NCDN: variants seen among roughly 807,000 people sequenced by gnomAD.
NCDN encodes neurochondrin.
Under a neutral mutation model 60.7 loss-of-function variants are expected in NCDN, and 9 were observed. The observed-to-expected ratio is 0.15, with a 90% CI of 0.09 to 0.26. NCDN has a LOEUF of 0.26. NCDN is among the 10% of genes least tolerant of loss of function. The pLI is 1.00. For synonymous variants in NCDN, 409 were observed against 442.5 expected, an observed-to-expected ratio of 0.92 and a Z score of 0.95; for missense variants, 578 against 975.2, an observed-to-expected ratio of 0.59 and a Z score of 5.42.
chr1:35,562,753 C>T lies in NCDN; in HGVS notation c.1385+120C>T. ...TTCCTGATTGGGCCATGAGATATCC[C>T]TTAGGGTTATTTCTGTTTTGGGGGG... On this transcript the variant is annotated intron_variant, in intron 4 of 6. Transcript: ENST00000373243. The surrounding 1 kb of genome is among the most constrained non-coding windows in gnomAD (Gnocchi z 6.8). The T allele has an allele frequency of 7.4e-7, 1 of 1,354,260 alleles. No homozygotes were observed. Among genetic ancestry groups the T allele is most frequent in the African/African-American group, 1.5e-5 (1 of 68,160 alleles). 83.9% of individuals were successfully genotyped at this position (1,354,260 alleles called of 1,614,324 possible).
Position 35,557,864 on chromosome 1 carries a change from C to T in NCDN, c.-327C>T. On this transcript the variant is annotated 5_prime_UTR_variant, in exon 1 of 7. Coordinates refer to ENST00000373243, the MANE Select transcript of NCDN (RefSeq NM_014284.3). ...AGCATCGCGCTGGGAGAAGACTTCG[C>T]CGCTCGGGGCCGCAGCCTGGTGAGC... 3.3e-6 allele frequency: 2 copies of T among 597,092 alleles called. No individual in the cohort carries two copies. The highest frequency in any genetic ancestry group is 1.5e-5 in the South Asian group (1 of 65,126). 37.0% of individuals were successfully genotyped at this position (597,092 alleles called of 1,614,324 possible). A position where few individuals can be genotyped will look rare whatever the true frequency, so the allele number is the denominator to read the frequency against.
chr1:35,559,340 A>G, intron 2 of NCDN, 93 bp downstream of exon 2: 2 of 1,535,994 alleles, frequency 1.3e-6, no homozygotes, highest in Non-Finnish European at 1.8e-6. Context: ...ATATGTACGT[A>G]GTGCTAGCAA....
intron 2 of NCDN, among the ~76,000 whole-genome samples, chr1:35,559,551 A>C (rs1473071168): frequency 6.6e-6 from 1 of 152,056 alleles, no homozygotes; most frequent in East Asian, 1.9e-4. Flanking sequence ...AGTGCAGAGT[A>C]CTTGAGGGCT....
chr1:35,559,345 T>A (rs1157140609), intron 2 of NCDN, 98 bp downstream of exon 2: 28 of 1,519,846 alleles, frequency 1.8e-5, no homozygotes, highest in Middle Eastern at 1.7e-4. Flanking sequence ...TACGTAGTGC[T>A]AGCAACCCTG....
chr1:35,562,088 G>T lies in NCDN; in HGVS notation c.1144-304G>T, dbSNP rs1648724931. On this transcript the variant is annotated intron_variant, in intron 3 of 6. Transcript: ENST00000373243. This position sits in a 1 kb window ranked among gnomAD's most constrained non-coding sequence, Gnocchi z 6.8. ...AGCCTTGAGACACTCCAGAGGTAGG[G>T]AGTTAGGGAGATGTGACTGGAGCCT... Among the ~76,000 whole-genome samples, 1 of 152,124 alleles carries T rather than the reference G, an allele frequency of 6.6e-6. No individual in the cohort carries two copies. The highest frequency in any genetic ancestry group is 6.5e-5 in the Admixed American group (1 of 15,274).
Position 35,561,033 on chromosome 1 carries a change from C to T in NCDN, c.882C>T (p.Ser294=), listed in dbSNP as rs372758379. Residue 294 remains serine, a synonymous_variant, in exon 3 of 7, where the codon TCC becomes TCT. Coordinates refer to ENST00000373243, the MANE Select transcript of NCDN (RefSeq NM_014284.3). This position sits in a 1 kb window ranked among gnomAD's most constrained non-coding sequence, Gnocchi z 4.9. ...CCCGCCTGGCACACGCCTGCGGCTC[C>T]GACTGGATCCCGGCGGGCAGCTCCG... ...LAARLAHACG[S]DWIPAGSSGS... is the part of the protein sequence containing the mutation. The T allele has an allele frequency of 7.8e-5, 125 of 1,612,744 alleles. No individual in the cohort carries two copies. The highest frequency in any genetic ancestry group is 9.7e-5 in the Non-Finnish European group (114 of 1,179,330).
In NCDN at chr1:35,565,893, G is replaced by A. The variant is rs547360504; in HGVS notation, c.*230G>A. On this transcript the variant is annotated 3_prime_UTR_variant, in exon 7 of 7. Coordinates refer to ENST00000373243, the MANE Select transcript of NCDN (RefSeq NM_014284.3). The surrounding 1 kb of genome is among the most constrained non-coding windows in gnomAD (Gnocchi z 8.9). ...GGCAGGGATCGGCTTGGAAATCAAC[G>A]TGGTTGTCCCCGCCAGGCCGGGGAA... 156 of 552,738 alleles carry A rather than the reference G, an allele frequency of 2.8e-4. 1 individual carries two copies. The highest frequency in any genetic ancestry group is 2.5e-3 in the African/African-American group (129 of 52,350). The allele number at this position is 552,738 out of a possible 1,614,324, so 34.2% of individuals were successfully genotyped here. A position where few individuals can be genotyped will look rare whatever the true frequency, so the allele number is the denominator to read the frequency against.
At position 35,563,758 on chromosome 1, in the gene NCDN, C is replaced by A. The variant is rs368544792; in HGVS notation, c.1611-9C>A. ...ACCTACCTCCATCCTTCCCCCCTTT[C>A]TTTTCCAGGCGTGACGCCTGCTTCA... On this transcript the variant is annotated splice_polypyrimidine_tract_variant and intron_variant, in intron 5 of 6. Coordinates refer to ENST00000373243, the MANE Select transcript of NCDN (RefSeq NM_014284.3). The surrounding 1 kb of genome is among the most constrained non-coding windows in gnomAD (Gnocchi z 6.6). The A allele has an allele frequency of 1.2e-6, 2 of 1,613,320 alleles. No individual in the cohort carries two copies. The highest frequency in any genetic ancestry group is 1.7e-6 in the Non-Finnish European group (2 of 1,179,642).
In NCDN at chr1:35,563,822, C is replaced by G; in HGVS notation, c.1666C>G (p.Leu556Val). Reference sequence around the variant, plus strand: ...CACCCTCATGACGTCGCTACCAGCACTAGTGCAGCAACAGGGAAGGCTGCT... The same window carrying G: ...CACCCTCATGACGTCGCTACCAGCAGTAGTGCAGCAACAGGGAAGGCTGCT... ...MNTLMTSLPA[L>V]VQQQGRLLLA... Residue 556 changes from leucine (L) to valine (V), a missense_variant, in exon 6 of 7, where the codon CTA becomes GTA. Coordinates refer to ENST00000373243, the MANE Select transcript of NCDN (RefSeq NM_014284.3). This position sits in a 1 kb window ranked among gnomAD's most constrained non-coding sequence, Gnocchi z 6.6. 1.2e-6 allele frequency: 2 copies of G among 1,614,134 alleles called. No individual in the cohort carries two copies. Among genetic ancestry groups the G allele is most frequent in the Non-Finnish European group, 1.7e-6 (2 of 1,180,034 alleles).
At chr1:35,559,322 C>A in intron 2 of NCDN, 75 bp downstream of exon 2, 1 of 1,589,302 alleles carries the variant, frequency 6.3e-7, no homozygotes, top group Non-Finnish European at 8.6e-7. Context: ...GTCAGTGAGT[C>A]CCCAAGGATA....
chr1:35,561,760 GCCTGCCTCCCCTACATCCCCT>G lies in NCDN; in HGVS notation c.1143+478_1143+498del, dbSNP rs1648715407. Among the ~76,000 whole-genome samples, 1 of 152,048 alleles carries G rather than the reference GCCTGCCTCCCCTACATCCCCT, an allele frequency of 6.6e-6. No homozygotes were observed. Among genetic ancestry groups the G allele is most frequent in the Non-Finnish European group, 1.5e-5 (1 of 67,996 alleles). ...TATAGAGGTCTGGCTAGATCAATTC[GCCTGCCTCCCCTACATCCCCT>G]CCTGCCTCCCCGCCTGAGAGGCCAG... On this transcript the variant is annotated intron_variant, in intron 3 of 6. Transcript: ENST00000373243. This position sits in a 1 kb window ranked among gnomAD's most constrained non-coding sequence, Gnocchi z 4.9.
Position 35,563,108 on chromosome 1 carries a change from T to C in NCDN, c.1386-94T>C, listed in dbSNP as rs1648757050. The C allele has an allele frequency of 2.5e-6, 3 of 1,178,892 alleles. No homozygotes were observed. The East Asian group carries it at 7.7e-5, about 30-fold the overall frequency. The allele number at this position is 1,178,892 out of a possible 1,614,324, so 73.0% of individuals were successfully genotyped here. A position where few individuals can be genotyped will look rare whatever the true frequency, so the allele number is the denominator to read the frequency against. The stretch of plus-strand genomic sequence containing the variant: ...GCGAGGATGTGTCCTTCTCCCCTAC[T>C]TCCATTTCTCTTAGGCAAGGTGCCC... On this transcript the variant is annotated intron_variant, in intron 4 of 6. Transcript: ENST00000373243. This position sits in a 1 kb window ranked among gnomAD's most constrained non-coding sequence, Gnocchi z 6.6.
intron 1 of NCDN, 56 bp from the exon 2 acceptor site, chr1:35,559,051 A>AC: frequency 2.5e-5 from 8 of 315,846 alleles, no homozygotes; most frequent in Non-Finnish European, 4.7e-5. Context: ...TCTCACCCCC[A>AC]CCCCACCCCC....
In NCDN at chr1:35,562,704, C is replaced by T. The variant is rs1023076351; in HGVS notation, c.1385+71C>T. The T allele has an allele frequency of 8.6e-6, 13 of 1,519,776 alleles. No individual in the cohort carries two copies. Among genetic ancestry groups the T allele is most frequent in the Admixed American group, 6.0e-5 (3 of 49,872 alleles). 94.1% of individuals were successfully genotyped at this position (1,519,776 alleles called of 1,614,324 possible). Reference sequence around the variant, plus strand: ...AAGCGTTAACACAAGGACACCCCTCCCCACAAACTGAGCTGTGCCAGGCTT... The same window carrying T: ...AAGCGTTAACACAAGGACACCCCTCTCCACAAACTGAGCTGTGCCAGGCTT... On this transcript the variant is annotated intron_variant, in intron 4 of 6. Coordinates refer to ENST00000373243, the MANE Select transcript of NCDN (RefSeq NM_014284.3). This position sits in a 1 kb window ranked among gnomAD's most constrained non-coding sequence, Gnocchi z 6.8.
Position 35,562,433 on chromosome 1 carries a change from G to A in NCDN, c.1185G>A (p.Ser395=). The A allele has an allele frequency of 6.2e-7, 1 of 1,614,190 alleles. No homozygotes were observed. The highest frequency in any genetic ancestry group is 8.5e-7 in the Non-Finnish European group (1 of 1,180,032). ...EKQKEPFVFA[S]VRILGAWLAE... The stretch of plus-strand genomic sequence containing the variant: ...AGAAGGAGCCCTTTGTGTTTGCCTC[G>A]GTGCGGATCCTGGGTGCCTGGCTGG... Residue 395 remains serine, a synonymous_variant, in exon 4 of 7, where the codon TCG becomes TCA. Coordinates refer to ENST00000373243, the MANE Select transcript of NCDN (RefSeq NM_014284.3). The surrounding 1 kb of genome is among the most constrained non-coding windows in gnomAD (Gnocchi z 6.8).
Position 35,558,070 on chromosome 1 carries a change from T to A in NCDN, c.-121T>A, listed in dbSNP as rs879117333. The A allele has an allele frequency of 8.9e-6, 12 of 1,351,746 alleles. No homozygotes were observed. Among genetic ancestry groups the A allele is most frequent in the South Asian group, 7.7e-5 (6 of 77,774 alleles). 83.7% of individuals were successfully genotyped at this position (1,351,746 alleles called of 1,614,324 possible). A position where few individuals can be genotyped will look rare whatever the true frequency, so the allele number is the denominator to read the frequency against. ...TTTCAATATATATCTTTTTTTTTTT[T>A]AATTTGCCCTGTCATCTTTGGGGGC... is the stretch of plus-strand genomic sequence containing the variant. On this transcript the variant is annotated 5_prime_UTR_variant, in exon 1 of 7. An upstream open reading frame in the 5' UTR gains an earlier in-frame stop. Coordinates refer to ENST00000373243, the MANE Select transcript of NCDN (RefSeq NM_014284.3). This position sits in a 1 kb window ranked among gnomAD's most constrained non-coding sequence, Gnocchi z 6.3.
Position 35,563,654 on chromosome 1 carries a change from G to A in NCDN, c.1611-113G>A. Reference sequence around the variant, plus strand: ...TTGTTCCAATCTCTGCCCCCCAGATGCTATGTTTGGGGCCCAAAGTTAATC... The same window carrying A: ...TTGTTCCAATCTCTGCCCCCCAGATACTATGTTTGGGGCCCAAAGTTAATC... On this transcript the variant is annotated intron_variant, in intron 5 of 6. Transcript: ENST00000373243. This position sits in a 1 kb window ranked among gnomAD's most constrained non-coding sequence, Gnocchi z 6.6. 7.6e-7 allele frequency: 1 copy of A among 1,319,468 alleles called. No homozygotes were observed. The highest frequency in any genetic ancestry group is 1.5e-5 in the African/African-American group (1 of 68,056). The allele number at this position is 1,319,468 out of a possible 1,614,324, so 81.7% of individuals were successfully genotyped here.
At position 35,563,445 on chromosome 1, in the gene NCDN, G is replaced by A; in HGVS notation, c.1610+19G>A. ...TGATCAAGTGAGGGGCTCGGGAGAGGTGGGGGAGGAGGCCGGAGGAGGCAA... is the reference window on the plus strand; with the variant it reads ...TGATCAAGTGAGGGGCTCGGGAGAGATGGGGGAGGAGGCCGGAGGAGGCAA... On this transcript the variant is annotated intron_variant, in intron 5 of 6. Coordinates refer to ENST00000373243, the MANE Select transcript of NCDN (RefSeq NM_014284.3). This position sits in a 1 kb window ranked among gnomAD's most constrained non-coding sequence, Gnocchi z 6.6. 1 of 1,606,688 alleles carries A rather than the reference G, an allele frequency of 6.2e-7. No individual in the cohort carries two copies. The highest frequency in any genetic ancestry group is 8.5e-7 in the Non-Finnish European group (1 of 1,174,000).
chr1:35,563,728 C>A lies in NCDN; in HGVS notation c.1611-39C>A. 6.2e-7 allele frequency: 1 copy of A among 1,603,782 alleles called. No homozygotes were observed. ...AAGGGCTTGATTTGGCTGTACTAGA[C>A]CCCCACCTACCTCCATCCTTCCCCC... is the stretch of plus-strand genomic sequence containing the variant. On this transcript the variant is annotated intron_variant, in intron 5 of 6. Transcript: ENST00000373243. The surrounding 1 kb of genome is among the most constrained non-coding windows in gnomAD (Gnocchi z 6.6).
Sources: gnomAD v4.1 joint callset for allele counts (sites outside exome capture counted in the v4.1 genomes callset) on GRCh38, gnomAD v4.1.1 for gene constraint, Gnocchi (gnomAD v3.1) non-coding constraint, MANE v1.5 for transcripts, NCBI Gene and HGNC (gene_info 2026-07-23, HGNC 2026-07-21) for gene names.